PPP2R5A: variants seen among roughly 807,000 people sequenced by gnomAD.
PPP2R5A encodes serine/threonine-protein phosphatase 2A 56 kDa regulatory subunit alpha isoform.
PPP2R5A carries 25 observed loss-of-function variants against 64.2 expected under a neutral mutation model. That is an observed-to-expected ratio of 0.39 (90% confidence interval 0.28 to 0.54). The LOEUF (loss-of-function observed/expected upper bound fraction) is 0.54, where lower values mean the gene tolerates loss of function less well. Among genes scored for constraint, PPP2R5A ranks in the 20% least tolerant of loss-of-function variants. The pLI is 0.67. For missense variants in PPP2R5A, 425 were observed against 576.3 expected, an observed-to-expected ratio of 0.74 and a Z score of 2.69; for synonymous variants, 198 against 201.2, an observed-to-expected ratio of 0.98 and a Z score of 0.13.
intron 3 of PPP2R5A, among the ~76,000 whole-genome samples, chr1:212,340,358 T>G (rs1222445122): frequency 6.6e-6 from 1 of 152,156 alleles, no homozygotes; most frequent in Admixed American, 6.5e-5. Flanking sequence ...CATAATATAA[T>G]TTTTGTGTAG....
At chr1:212,319,110 C>T (rs1422043413) in intron 1 of PPP2R5A, among the ~76,000 whole-genome samples, 1 of 152,146 alleles carries the variant, frequency 6.6e-6, no homozygotes, top group Non-Finnish European at 1.5e-5. Context: ...TATATGTCAT[C>T]AGTTCAAGAA....
At chr1:212,334,668 G>C (rs1303371705) in intron 3 of PPP2R5A, among the ~76,000 whole-genome samples, 1 of 152,044 alleles carries the variant, frequency 6.6e-6, no homozygotes, top group Non-Finnish European at 1.5e-5. Context: ...AGAATTCTTG[G>C]CTAACAGTCT....
chr1:212,291,127 T>C (rs571475412), intron 1 of PPP2R5A, among the ~76,000 whole-genome samples: 39 of 152,276 alleles, frequency 2.6e-4, no homozygotes, highest in African/African-American at 8.7e-4. Flanking sequence ...TTATTTTTTT[T>C]CAGACTGAGT....
intron 8 of PPP2R5A, among the ~76,000 whole-genome samples, chr1:212,355,379 C>T (rs1659960842): frequency 1.3e-5 from 2 of 152,034 alleles, no homozygotes; most frequent in South Asian, 4.1e-4. Context: ...ACATTGTTAT[C>T]TTACTGGATT....
intron 1 of PPP2R5A, among the ~76,000 whole-genome samples, chr1:212,289,934 T>C (rs1030111759): frequency 6.6e-6 from 1 of 152,188 alleles, no homozygotes; most frequent in Non-Finnish European, 1.5e-5. Context: ...TCAGACTCTT[T>C]AAAACATTAA....
intron 1 of PPP2R5A, among the ~76,000 whole-genome samples, chr1:212,289,040 G>GT (rs1350680057): frequency 6.6e-6 from 1 of 152,140 alleles, no homozygotes; most frequent in Non-Finnish European, 1.5e-5. Context: ...AGAATAAATT[G>GT]TTTTATAATT....
intron 1 of PPP2R5A, among the ~76,000 whole-genome samples, chr1:212,319,968 T>TTA (rs1558145974): frequency 1.8e-5 from 2 of 111,296 alleles, no homozygotes; most frequent in Non-Finnish European, 2.0e-5. Context: ...TTTTTTTTTT[T>TTA]ATTGATCATT....
intron 1 of PPP2R5A, among the ~76,000 whole-genome samples, chr1:212,287,245 C>G (rs1176013241): frequency 6.6e-6 from 1 of 152,104 alleles, no homozygotes; most frequent in Non-Finnish European, 1.5e-5. Flanking sequence ...TTTTAATGTC[C>G]TTGCTTTTTA....
chr1:212,324,184 ATAGAG>A (rs1482334293), intron 1 of PPP2R5A, among the ~76,000 whole-genome samples: 1 of 152,224 alleles, frequency 6.6e-6, no homozygotes, highest in African/African-American at 2.4e-5. Flanking sequence ...TGCGAACATC[ATAGAG>A]TATACTTCCA....
intron 1 of PPP2R5A, among the ~76,000 whole-genome samples, chr1:212,303,272 T>A (rs1658832343): frequency 6.6e-6 from 1 of 152,186 alleles, no homozygotes; most frequent in Admixed American, 6.5e-5. Context: ...ACTTTCTGAT[T>A]ATAGCCATCC....
intron 1 of PPP2R5A, among the ~76,000 whole-genome samples, chr1:212,320,200 A>G (rs368116620): frequency 2.6e-5 from 4 of 151,926 alleles, no homozygotes; most frequent in Admixed American, 6.6e-5. Flanking sequence ...ATCTTGCACC[A>G]CCCTTAATCC....
intron 8 of PPP2R5A, among the ~76,000 whole-genome samples, chr1:212,351,230 A>C (rs1375334355): frequency 1.3e-5 from 2 of 152,132 alleles, no homozygotes; most frequent in Non-Finnish European, 2.9e-5. Context: ...GAGAGAGAGT[A>C]AGATAAATAC....
At chr1:212,312,921 A>G (rs1659065305) in intron 1 of PPP2R5A, among the ~76,000 whole-genome samples, 1 of 152,242 alleles carries the variant, frequency 6.6e-6, no homozygotes, top group Non-Finnish European at 1.5e-5. Flanking sequence ...CTGGTTTTAC[A>G]TTAAAAAAAT....
At chr1:212,349,304 C>T (rs938404553) in intron 8 of PPP2R5A, 62 bp downstream of exon 8, 38 of 1,273,698 alleles carry the variant, frequency 3.0e-5, no homozygotes, top group Middle Eastern at 3.9e-4. Context: ...TTGTAGCTTT[C>T]GTTTTATAGC....
chr1:212,348,498 G>C lies in PPP2R5A; in HGVS notation c.873+1G>C. 6.5e-7 allele frequency: 1 copy of C among 1,548,658 alleles called. No homozygotes were observed. The highest frequency in any genetic ancestry group is 8.9e-7 in the Non-Finnish European group (1 of 1,129,174). On this transcript the variant is annotated splice_donor_variant, in intron 7 of 12. Coordinates refer to ENST00000261461, the MANE Select transcript of PPP2R5A (RefSeq NM_006243.4). LOFTEE classifies it high-confidence loss of function. ...AGGATTAGCTTTGTTTCATGCTCAG[G>C]TAAGTTTCAGAAACATTTCAGATGA...
At chr1:212,332,732 G>T (rs1028116541) in intron 2 of PPP2R5A, among the ~76,000 whole-genome samples, 8 of 152,084 alleles carry the variant, frequency 5.3e-5, no homozygotes, top group African/African-American at 1.9e-4. Flanking sequence ...ACCAAACTCT[G>T]AGTTATAAGG....
At chr1:212,302,204 C>T (rs1242454321) in intron 1 of PPP2R5A, 6 of 998,040 alleles carry the variant, frequency 6.0e-6, no homozygotes, top group African/African-American at 1.6e-5. Flanking sequence ...CAAGCAAAAC[C>T]ACATTACAGG....
At position 212,322,741 on chromosome 1, in the gene PPP2R5A, T is replaced by A. The variant is rs541305939; in HGVS notation, c.182-6394T>A. Reference sequence around the variant, plus strand: ...AATATCTTGTAAAGCTTTCTTGCATTTAATTAATTCTCATTTTATTTATTT... The same window carrying A: ...AATATCTTGTAAAGCTTTCTTGCATATAATTAATTCTCATTTTATTTATTT... On this transcript the variant is annotated intron_variant, in intron 1 of 12. Coordinates refer to ENST00000261461, the MANE Select transcript of PPP2R5A (RefSeq NM_006243.4). 2.5e-4 allele frequency among the ~76,000 whole-genome samples: 37 copies of A among 149,770 alleles called. 1 individual carries two copies. In the South Asian group the frequency reaches 7.3e-3, roughly 30 times the overall value.
chr1:212,296,366 T>C (rs1227675235), intron 1 of PPP2R5A, among the ~76,000 whole-genome samples: 1 of 152,266 alleles, frequency 6.6e-6, no homozygotes, highest in Non-Finnish European at 1.5e-5. Flanking sequence ...TGTTAATTTC[T>C]ATACATTAAC....
Sources: gnomAD v4.1 joint callset for allele counts (sites outside exome capture counted in the v4.1 genomes callset) on GRCh38, gnomAD v4.1.1 for gene constraint, MANE v1.5 for transcripts, NCBI Gene and HGNC (gene_info 2026-07-23, HGNC 2026-07-21) for gene names.